YTHDC2: variants seen among roughly 807,000 people sequenced by gnomAD.
YTHDC2 encodes YTH N6-methyladenosine RNA binding protein C2.
Under a neutral mutation model 174.9 loss-of-function variants are expected in YTHDC2, and 45 were observed. The observed-to-expected ratio is 0.26, with a 90% CI of 0.20 to 0.33. The LOEUF (loss-of-function observed/expected upper bound fraction) is 0.33. Among genes scored for constraint, YTHDC2 ranks in the 10% least tolerant of loss-of-function variants. The probability of loss-of-function intolerance (pLI) is 1.00; values close to 1 mark genes in which losing one functional copy is unlikely to be tolerated. For synonymous variants in YTHDC2, 657 were observed against 574.5 expected (o/e 1.14, Z -2.05); for missense variants, 1,650 against 1,723.7 (o/e 0.96, Z 0.76).
intron 10 of YTHDC2, among the ~76,000 whole-genome samples, chr5:113,544,805 T>C (rs1462962349): frequency 6.6e-6 from 1 of 152,138 alleles, no homozygotes; most frequent in Non-Finnish European, 1.5e-5. Flanking sequence ...TTCTATTTTA[T>C]CCCTTTTGAA....
intron 23 of YTHDC2, among the ~76,000 whole-genome samples, chr5:113,572,347 A>C (rs1777780057): frequency 6.6e-6 from 1 of 151,800 alleles, no homozygotes; most frequent in African/African-American, 2.4e-5. Context: ...TTATGATTTT[A>C]CTTCTTTTAC....
intron 18 of YTHDC2, 24 bp from the exon 19 acceptor site, chr5:113,563,349 A>C: frequency 6.4e-7 from 1 of 1,569,434 alleles, no homozygotes; most frequent in African/African-American, 1.4e-5. Flanking sequence ...ATTTTAAAAA[A>C]TTATTTACTG....
Position 113,561,156 on chromosome 5 carries a change from A to C in YTHDC2, c.2293A>C (p.Thr765Pro). 6.2e-7 allele frequency: 1 copy of C among 1,612,754 alleles called. No homozygotes were observed. The highest frequency in any genetic ancestry group is 8.5e-7 in the Non-Finnish European group (1 of 1,179,266). Residue 765 changes from threonine to proline, a missense_variant, in exon 18 of 30, where the codon ACT becomes CCT. Around this residue, in one of 5 missense-constraint regions of YTHDC2, gnomAD observed 913 missense variants for 940.4 expected, o/e 0.97. Transcript: ENST00000161863. The part of the protein sequence containing the change: ...LRFQNMLEFQ[T>P]PELLRMPLQE... ...ATTCCAGAATATGTTGGAATTTCAG[A>C]CTCCGGAACTTTTGAGAATGCCATT...
chr5:113,567,492 G>A (rs902850309), intron 22 of YTHDC2, among the ~76,000 whole-genome samples, 162 bp from the exon 23 acceptor site: 1 of 150,598 alleles, frequency 6.6e-6, no homozygotes, highest in Admixed American at 6.6e-5. Context: ...TAAGTAATGA[G>A]TACTTTTGTA....
rs754649486 is a variant in YTHDC2, at chr5:113,540,991, A to G, written c.1234A>G (p.Thr412Ala). The G allele has an allele frequency of 6.2e-7, 1 of 1,613,434 alleles. No individual in the cohort carries two copies. ...AGAAGAGAAACAACAAACCACACTT[A>G]CAGAATGGTACTCAGCTCAAGAAAA... ...QQEEKQQTTL[T>A]EWYSAQENSF... is the part of the protein sequence containing the mutation. The change falls in exon 9 of 30, where the codon ACA (threonine) becomes GCA (alanine). Residue 412 changes from threonine to alanine, a missense_variant. Transcript: ENST00000161863.
chr5:113,548,012 T>A (rs557915332), intron 10 of YTHDC2, among the ~76,000 whole-genome samples: 2 of 152,304 alleles, frequency 1.3e-5, no homozygotes, highest in African/African-American at 2.4e-5. Flanking sequence ...AAATAAACTT[T>A]CTGTCAGTGT....
intron 26 of YTHDC2, among the ~76,000 whole-genome samples, chr5:113,589,465 G>T (rs1447842365): frequency 2.1e-5 from 3 of 145,378 alleles, no homozygotes; most frequent in Non-Finnish European, 3.0e-5. Flanking sequence ...CGTGGTTTAT[G>T]TCTGTAATCC....
At position 113,593,987 on chromosome 5, in the gene YTHDC2, T is replaced by A. The variant is rs903519674; in HGVS notation, c.*513T>A. On this transcript the variant is annotated 3_prime_UTR_variant, in exon 30 of 30. Coordinates refer to ENST00000161863, the MANE Select transcript of YTHDC2 (RefSeq NM_022828.5). ...AGTGAAATTCTACAAGTGTCCCTTT[T>A]AAAAATAGTGTGTGCTAACTAAGGG... The A allele has an allele frequency of 2.0e-5, 3 of 152,198 alleles. No individual in the cohort carries two copies. Among genetic ancestry groups the A allele is most frequent in the African/African-American group, 7.2e-5 (3 of 41,452 alleles). The allele number at this position is 152,198 out of a possible 1,614,324, so 9.4% of individuals were successfully genotyped here. A position where few individuals can be genotyped will look rare whatever the true frequency, so the allele number is the denominator to read the frequency against.
chr5:113,558,804 C>G (rs1316135595), intron 17 of YTHDC2, among the ~76,000 whole-genome samples: 1 of 151,732 alleles, frequency 6.6e-6, no homozygotes, highest in Non-Finnish European at 1.5e-5. Flanking sequence ...CACCTATAAT[C>G]CCAGCTACTC....
chr5:113,565,498 G>A (rs866105253), intron 20 of YTHDC2, among the ~76,000 whole-genome samples: 1 of 152,170 alleles, frequency 6.6e-6, no homozygotes, highest in Non-Finnish European at 1.5e-5. Context: ...TTCTTAGGTA[G>A]AGTCCAGGGT....
intron 23 of YTHDC2, among the ~76,000 whole-genome samples, chr5:113,570,693 C>T (rs933000638): frequency 3.3e-5 from 5 of 152,042 alleles, no homozygotes; most frequent in African/African-American, 1.2e-4. Flanking sequence ...CTTTGCCGCC[C>T]AGGTTGGAGT....
At chr5:113,582,975 ATTG>A (rs1282790024) in intron 25 of YTHDC2, 4 of 152,148 alleles carry the variant, frequency 2.6e-5, no homozygotes, top group African/African-American at 7.2e-5. Flanking sequence ...TTTTGAAAAT[ATTG>A]TTCTAGAATT....
Position 113,535,678 on chromosome 5 carries a change from T to C in YTHDC2, c.982T>C (p.Leu328=), listed in dbSNP as rs751366709. 1.2e-5 allele frequency: 20 copies of C among 1,613,552 alleles called. No individual in the cohort carries two copies. The South Asian group carries it at 2.0e-4, about 16-fold the overall frequency. The change falls in exon 7 of 30, where the codon TTA becomes CTA. Residue 328 remains leucine, a synonymous_variant. Transcript: ENST00000161863. ...TGAAAGGGATCGATTTAGTGATTTT[T>C]TACTTACAAAGTTAAGAGATTTGTT... ...VHERDRFSDF[L]LTKLRDLLQK...
chr5:113,557,779 G>A (rs1225175860), intron 17 of YTHDC2, among the ~76,000 whole-genome samples: 3 of 152,106 alleles, frequency 2.0e-5, no homozygotes, highest in Non-Finnish European at 4.4e-5. Flanking sequence ...CAGCCGGAGC[G>A]ACAGAGCCAG....
chr5:113,543,592 C>T lies in YTHDC2; in HGVS notation c.1495+1089C>T, dbSNP rs112676373. Among the ~76,000 whole-genome samples the T allele has an allele frequency of 2.8e-3, 427 of 152,330 alleles. 3 individuals are homozygous for T. The highest frequency in any genetic ancestry group is 9.6e-3 in the African/African-American group (398 of 41,570). On this transcript the variant is annotated intron_variant, in intron 10 of 29. Transcript: ENST00000161863. ...GTCTGTTCTCCGCAGAAAAATAAGA[C>T]TGATCCTTTCATAAAGGAAATTGGA... is the stretch of plus-strand genomic sequence containing the variant.
chr5:113,564,436 C>G (rs541712377), intron 20 of YTHDC2, among the ~76,000 whole-genome samples: 6 of 152,056 alleles, frequency 3.9e-5, no homozygotes, highest in Non-Finnish European at 8.8e-5. Context: ...AAGGAATGTT[C>G]TAAAATTTCA....
chr5:113,594,552 C>T lies in YTHDC2; in HGVS notation c.*1078C>T, dbSNP rs909871421. On this transcript the variant is annotated 3_prime_UTR_variant, in exon 30 of 30. Transcript: ENST00000161863. ...GGGGATAATTTTTTTTTTGTAAATC[C>T]GTGCTTGTGCCAAGTCTCATATTTC... 1 of 151,650 alleles carries T rather than the reference C, an allele frequency of 6.6e-6. No homozygotes were observed. Among genetic ancestry groups the T allele is most frequent in the African/African-American group, 2.4e-5 (1 of 41,290 alleles). The allele number at this position is 151,650 out of a possible 1,614,324, so 9.4% of individuals were successfully genotyped here.
In YTHDC2 at chr5:113,591,271, G is replaced by A. The variant is rs752054905; in HGVS notation, c.4029+27G>A. The A allele has an allele frequency of 5.0e-6, 8 of 1,610,530 alleles. No homozygotes were observed. In the Admixed American group the frequency reaches 6.7e-5, roughly 13 times the overall value. ...TGAGCCACCCTGAATCAGTAAAATG[G>A]GGTTGTTCTGGCTATAGGTTAAATC... On this transcript the variant is annotated intron_variant, in intron 27 of 29. Coordinates refer to ENST00000161863, the MANE Select transcript of YTHDC2 (RefSeq NM_022828.5).
intron 16 of YTHDC2, among the ~76,000 whole-genome samples, chr5:113,554,555 T>G (rs1450369833): frequency 6.8e-6 from 1 of 147,910 alleles, no homozygotes; most frequent in East Asian, 1.9e-4. Flanking sequence ...GCAGCTAAAT[T>G]GGACTTAACA....
Sources: gnomAD v4.1 joint callset for allele counts (sites outside exome capture counted in the v4.1 genomes callset) on GRCh38, gnomAD v4.1.1 for gene constraint, gnomAD v4.1.1 regional missense constraint, MANE v1.5 for transcripts, NCBI Gene and HGNC (gene_info 2026-07-23, HGNC 2026-07-21) for gene names.